Variants in ATOSA observed in about 807,000 individuals in gnomAD.
The protein encoded by ATOSA is atos homolog protein A.
chr15:52,613,919 G>T, the ATOSA span: 2 of 1,364,356 alleles, frequency 1.5e-6, no homozygotes, highest in Non-Finnish European at 2.1e-6. Flanking sequence ...AACTCATCTG[G>T]TCTGCCTAAA....
At chr15:52,696,752 T>C in the ATOSA span, among the ~76,000 whole-genome samples, 1 of 152,122 alleles carries the variant, frequency 6.6e-6, no homozygotes, top group Non-Finnish European at 1.5e-5. Flanking sequence ...TTTTTTTAAA[T>C]GTGCTAATAA....
chr15:52,678,827 CCGAGCGCCGCGT>C, the ATOSA span: 1 of 153,432 alleles, frequency 6.5e-6, no homozygotes, highest in Non-Finnish European at 1.4e-5. Context: ...CCCCGCCGCA[CCGAGCGCCGCGT>C]CTGCCCCTCT....
chr15:52,589,974 G>T, the ATOSA span, among the ~76,000 whole-genome samples: 1 of 152,066 alleles, frequency 6.6e-6, no homozygotes, highest in African/African-American at 2.4e-5. Flanking sequence ...TTTTAGTAGA[G>T]ACGGGGTTTT....
At chr15:52,611,739 C>T in the ATOSA span, 7 of 1,613,902 alleles carry the variant, frequency 4.3e-6, no homozygotes, top group South Asian at 7.7e-5. Context: ...TCTTCCACAA[C>T]AATGTGACCT....
the ATOSA span, among the ~76,000 whole-genome samples, chr15:52,600,530 T>C: frequency 6.6e-6 from 1 of 152,236 alleles, no homozygotes; most frequent in South Asian, 2.1e-4. Context: ...AATTTTAAAA[T>C]ATAAAATTTC....
At chr15:52,653,288 A>G in the ATOSA span, among the ~76,000 whole-genome samples, 1 of 152,200 alleles carries the variant, frequency 6.6e-6, no homozygotes, top group Admixed American at 6.5e-5. Flanking sequence ...AGAAGCCACA[A>G]ATAGCATGCA....
the ATOSA span, among the ~76,000 whole-genome samples, chr15:52,619,832 A>AAAAAGAAAAG: frequency 6.1e-5 from 9 of 148,578 alleles, no homozygotes; most frequent in African/African-American, 2.0e-4. Context: ...GTCTTAAAAA[A>AAAAAGAAAAG]AAAAGAAAAG....
At chr15:52,663,349 T>C in the ATOSA span, among the ~76,000 whole-genome samples, 1 of 152,232 alleles carries the variant, frequency 6.6e-6, no homozygotes, top group Non-Finnish European at 1.5e-5. Flanking sequence ...AACATTACTT[T>C]TACCATTCAT....
chr15:52,662,598 G>A, the ATOSA span, among the ~76,000 whole-genome samples: 11 of 152,000 alleles, frequency 7.2e-5, 1 homozygote, highest in Middle Eastern at 3.4e-3. Flanking sequence ...GTGAAACCCC[G>A]TCTCTACTAA....
At chr15:52,653,937 C>G in the ATOSA span, among the ~76,000 whole-genome samples, 4 of 152,146 alleles carry the variant, frequency 2.6e-5, no homozygotes, top group African/African-American at 4.8e-5. Context: ...ATTTGACCAT[C>G]TTCATTGTTT....
the ATOSA span, among the ~76,000 whole-genome samples, chr15:52,620,364 C>A: frequency 5.3e-5 from 8 of 152,090 alleles, no homozygotes; most frequent in Non-Finnish European, 8.8e-5. Context: ...AGGAGAGAGA[C>A]CAGAACCACT....
At chr15:52,701,517 A>T in the ATOSA span, among the ~76,000 whole-genome samples, 1 of 152,234 alleles carries the variant, frequency 6.6e-6, no homozygotes, top group African/African-American at 2.4e-5. Context: ...TTTCAGTACA[A>T]CTGGTTAGCC....
chr15:52,616,396 C>G, the ATOSA span, among the ~76,000 whole-genome samples: 1 of 152,208 alleles, frequency 6.6e-6, no homozygotes, highest in African/African-American at 2.4e-5. Context: ...AAGATTTTAA[C>G]AGTGGCCATT....
the ATOSA span, among the ~76,000 whole-genome samples, chr15:52,595,732 T>A: frequency 7.2e-5 from 11 of 152,200 alleles, no homozygotes; most frequent in Admixed American, 7.2e-4. Flanking sequence ...TTAAAAATAC[T>A]AGCAATGAAC....
At chr15:52,583,143 AAGG>A in the ATOSA span, among the ~76,000 whole-genome samples, 1 of 152,192 alleles carries the variant, frequency 6.6e-6, no homozygotes, top group Non-Finnish European at 1.5e-5. Flanking sequence ...TCCCAAACTG[AAGG>A]AGAACATTCT....
chr15:52,690,235 A>G, the ATOSA span, among the ~76,000 whole-genome samples: 1 of 152,332 alleles, frequency 6.6e-6, no homozygotes, highest in Non-Finnish European at 1.5e-5. Flanking sequence ...CTGATAACCT[A>G]CTATGTGCCA....
At chr15:52,635,544 A>C in the ATOSA span, among the ~76,000 whole-genome samples, 2 of 151,806 alleles carry the variant, frequency 1.3e-5, no homozygotes, top group Non-Finnish European at 1.5e-5. Flanking sequence ...CACACACACA[A>C]AATTAGCCAG....
At chr15:52,611,541 C>A in the ATOSA span, 1 of 1,597,808 alleles carries the variant, frequency 6.3e-7, no homozygotes, top group South Asian at 1.1e-5. Context: ...CTTGATTTAC[C>A]AAGAACAACT....
the ATOSA span, chr15:52,587,182 T>C: frequency 6.2e-7 from 1 of 1,613,546 alleles, no homozygotes. Context: ...AGGTACTCGA[T>C]AACCCCTTTT....
Sources: allele counts gnomAD v4.1 joint callset (sites outside exome capture counted in the v4.1 genomes callset), GRCh38; gene constraint gnomAD v4.1.1; transcripts MANE v1.5; gene names NCBI Gene and HGNC (gene_info 2026-07-23, HGNC 2026-07-21).